The following SKI variants were observed in gnomAD, a reference collection of about 807,000 sequenced individuals.
SKI encodes ski oncogene.
SKI carries 23 observed loss-of-function variants against 59.3 expected under a neutral mutation model. The ratio of observed to expected loss-of-function variants is 0.39; its 90% CI spans 0.28 to 0.55. The LOEUF is 0.55. Among genes scored for constraint, SKI ranks in the 20% least tolerant of loss-of-function variants. The pLI is 0.67. For missense variants in SKI, 1,017 were observed against 1,038.9 expected (o/e 0.98, Z 0.29); for synonymous variants, 673 against 488.6 (o/e 1.38, Z -4.98).
At chr1:2,236,713 A>T (rs566076740) in intron 1 of SKI, among the ~76,000 whole-genome samples, 1 of 152,032 alleles carries the variant, frequency 6.6e-6, no homozygotes, top group African/African-American at 2.4e-5. Context: ...CCATTGTTCC[A>T]CCTTTGGAAG....
chr1:2,283,859 G>A lies in SKI; in HGVS notation c.970-19119G>A, dbSNP rs758409702. ...GAAAACATCGTGGGCGTCTGCTGGG[G>A]CTGGAGGAGGCGGGAGGCCGAGGCA... On this transcript the variant is annotated intron_variant, in intron 1 of 6. Coordinates refer to ENST00000378536, the MANE Select transcript of SKI (RefSeq NM_003036.4). 4.3e-4 allele frequency among the ~76,000 whole-genome samples: 66 copies of A among 152,360 alleles called. 1 individual carries two copies. Among genetic ancestry groups the A allele is most frequent in the Non-Finnish European group, 7.6e-4 (52 of 68,016 alleles).
In SKI at chr1:2,229,036, C is replaced by A; in HGVS notation, c.270C>A (p.Phe90Leu). 3 of 1,601,962 alleles carry A rather than the reference C, an allele frequency of 1.9e-6. No homozygotes were observed. Among genetic ancestry groups the A allele is most frequent in the Non-Finnish European group, 2.5e-6 (3 of 1,178,914 alleles). ...CGCCGCCCGTGCTGCCCGGGCCCTT[C>A]TTCATGCCGTCCGACCGCTCCACCG... ...QPPPPVLPGP[F>L]FMPSDRSTER... is the part of the protein sequence containing the mutation. The change falls in exon 1 of 7, where the codon TTC (phenylalanine) becomes TTA (leucine). Residue 90 changes from phenylalanine to leucine, a missense_variant. Physicochemically the swap from Phe to Leu is conservative, Grantham distance 22. Transcript: ENST00000378536. This position sits in a 1 kb window ranked among gnomAD's most constrained non-coding sequence, Gnocchi z 6.3.
Position 2,267,058 on chromosome 1 carries a change from G to A in SKI, c.970-35920G>A, listed in dbSNP as rs534147965. Among the ~76,000 whole-genome samples the A allele has an allele frequency of 6.6e-6, 1 of 152,020 alleles. No individual in the cohort carries two copies. Among genetic ancestry groups the A allele is most frequent in the Non-Finnish European group, 1.5e-5 (1 of 68,024 alleles). On this transcript the variant is annotated intron_variant, in intron 1 of 6. Coordinates refer to ENST00000378536, the MANE Select transcript of SKI (RefSeq NM_003036.4). The surrounding 1 kb of genome is among the most constrained non-coding windows in gnomAD (Gnocchi z 4.1). ...GTGTTTTCCTTCTGCAATAATTTTG[G>A]CTACATTAAATTCGTTTTGTTAACA... is the stretch of plus-strand genomic sequence containing the variant.
At position 2,303,956 on chromosome 1, in the gene SKI, C is replaced by T. The variant is rs1640493986; in HGVS notation, c.1328C>T (p.Pro443Leu). The T allele has an allele frequency of 6.2e-7, 1 of 1,612,068 alleles. No individual in the cohort carries two copies. The highest frequency in any genetic ancestry group is 1.7e-4 in the Middle Eastern group (1 of 6,052). Residue 443 changes from proline to leucine, a missense_variant, in exon 4 of 7, where the codon CCC becomes CTC. By Grantham distance (98) the Pro-to-Leu change is moderately conservative. Transcript: ENST00000378536. The surrounding 1 kb of genome is among the most constrained non-coding windows in gnomAD (Gnocchi z 5.6). ...PPCAAAVSRA[P>L]EPLATCTQPR... is the part of the protein sequence containing the mutation. Reference sequence around the variant, plus strand: ...TGTGCCGCCGCCGTCTCCCGGGCCCCCGAGCCTCTCGCCACTTGCACCCAG... The same window carrying T: ...TGTGCCGCCGCCGTCTCCCGGGCCCTCGAGCCTCTCGCCACTTGCACCCAG...
At chr1:2,272,856 C>T (rs539683646) in intron 1 of SKI, among the ~76,000 whole-genome samples, 12 of 152,248 alleles carry the variant, frequency 7.9e-5, no homozygotes, top group African/African-American at 2.2e-4. Context: ...CCCCGAGCCT[C>T]GCCCTCCCAC....
intron 1 of SKI, among the ~76,000 whole-genome samples, chr1:2,288,916 C>A (rs1173045495): frequency 1.3e-5 from 2 of 152,206 alleles, no homozygotes; most frequent in African/African-American, 4.8e-5. Flanking sequence ...AGAAGCCACC[C>A]TTGGGCCTGC....
Position 2,303,946 on chromosome 1 carries a change from T to C in SKI, c.1318T>C (p.Ser440Pro), listed in dbSNP as rs1184378281. 6.2e-7 allele frequency: 1 copy of C among 1,611,570 alleles called. No homozygotes were observed. The highest frequency in any genetic ancestry group is 1.7e-5 in the Admixed American group (1 of 59,918). ...CAGCCCTCCGTGTGCCGCCGCCGTC[T>C]CCCGGGCCCCCGAGCCTCTCGCCAC... is the stretch of plus-strand genomic sequence containing the variant. ...VSSPPCAAAV[S>P]RAPEPLATCT... is the part of the protein sequence containing the mutation. The change falls in exon 4 of 7, where the codon TCC becomes CCC. Residue 440 changes from serine to proline, a missense_variant. Transcript: ENST00000378536. This position sits in a 1 kb window ranked among gnomAD's most constrained non-coding sequence, Gnocchi z 5.6.
At chr1:2,278,747 C>T (rs183410760) in intron 1 of SKI, among the ~76,000 whole-genome samples, 291 of 152,090 alleles carry the variant, frequency 1.9e-3, no homozygotes, top group African/African-American at 6.7e-3. Context: ...TGGAGGCTGC[C>T]CCAGGCTGGA....
At chr1:2,242,487 A>G (rs1351838761) in intron 1 of SKI, among the ~76,000 whole-genome samples, 1 of 152,122 alleles carries the variant, frequency 6.6e-6, no homozygotes, top group East Asian at 1.9e-4. Context: ...CCCTGCCCTC[A>G]CTGTAATCTC....
rs1640570073 is a variant in SKI, at chr1:2,306,150, C to T, written c.1898C>T (p.Ser633Leu). The change falls in exon 6 of 7, where the codon TCA (serine) becomes TTA (leucine). Residue 633 changes from serine to leucine, a missense_variant. By Grantham distance (145) the Ser-to-Leu change is moderately radical. Transcript: ENST00000378536. ...NEKKMKEANE[S>L]RLRLKRELEQ... Reference sequence around the variant, plus strand: ...AAGAAGATGAAAGAGGCCAACGAGTCACGGCTGCGCCTGAAGCGGGAGCTG... The same window carrying T: ...AAGAAGATGAAAGAGGCCAACGAGTTACGGCTGCGCCTGAAGCGGGAGCTG... The T allele has an allele frequency of 6.3e-7, 1 of 1,593,908 alleles. No homozygotes were observed. Among genetic ancestry groups the T allele is most frequent in the African/African-American group, 1.3e-5 (1 of 74,714 alleles).
rs1421636004 is a variant in SKI at position 2,309,702 on chromosome 1, C to T, written c.*2937C>T. On this transcript the variant is annotated 3_prime_UTR_variant, in exon 7 of 7. Coordinates refer to ENST00000378536, the MANE Select transcript of SKI (RefSeq NM_003036.4). The stretch of plus-strand genomic sequence containing the variant: ...TCCTCCTCCCTGTGGGTCCGAACCC[C>T]GGCCCCCCCACCCCCTCCTCCCTGT... The T allele has an allele frequency of 4.3e-5, 3 of 69,634 alleles. No individual in the cohort carries two copies. Among genetic ancestry groups the T allele is most frequent in the East Asian group, 5.7e-4 (1 of 1,764 alleles). The allele number at this position is 69,634 out of a possible 1,614,324, so 4.3% of individuals were successfully genotyped here. A position where few individuals can be genotyped will look rare whatever the true frequency, so the allele number is the denominator to read the frequency against.
chr1:2,270,699 C>T lies in SKI; in HGVS notation c.970-32279C>T, dbSNP rs544802302. ...CTCTCCAGAGGGGCTGGAGGTGGGG[C>T]GGGAGCAGAGACTGGACCTGGCCAG... On this transcript the variant is annotated intron_variant, in intron 1 of 6. Transcript: ENST00000378536. This position sits in a 1 kb window ranked among gnomAD's most constrained non-coding sequence, Gnocchi z 4.1. Among the ~76,000 whole-genome samples, 1 of 152,146 alleles carries T rather than the reference C, an allele frequency of 6.6e-6. No homozygotes were observed. The highest frequency in any genetic ancestry group is 1.9e-4 in the East Asian group (1 of 5,184).
chr1:2,275,763 C>T (rs980177024), intron 1 of SKI, among the ~76,000 whole-genome samples: 4 of 152,208 alleles, frequency 2.6e-5, no homozygotes, highest in African/African-American at 7.2e-5. Flanking sequence ...CCACCCACCT[C>T]GGCCTCCCAA....
At chr1:2,237,165 C>T (rs867635) in intron 1 of SKI, among the ~76,000 whole-genome samples, 20,157 of 152,164 alleles carry the variant, frequency 0.13, 1,858 homozygotes, top group African/African-American at 0.25. Flanking sequence ...GCTTGTGTGC[C>T]GTTATGGGGG....
intron 4 of SKI, 58 bp downstream of exon 4, chr1:2,304,160 T>A (rs1640504600): frequency 1.2e-6 from 2 of 1,602,202 alleles, no homozygotes; most frequent in East Asian, 2.3e-5. Context: ...TGGCACTGGC[T>A]GAGGGGGGCT....
chr1:2,236,842 C>T (rs1210306928), intron 1 of SKI, among the ~76,000 whole-genome samples: 3 of 152,200 alleles, frequency 2.0e-5, no homozygotes, highest in Non-Finnish European at 4.4e-5. Context: ...TGATGCTCCT[C>T]CCAGCTCTCA....
chr1:2,287,338 A>AT (rs56295904), intron 1 of SKI, among the ~76,000 whole-genome samples: 54,993 of 139,964 alleles, frequency 0.39, 11,456 homozygotes, highest in South Asian at 0.5. Context: ...GAAATATCCA[A>AT]TTTTTTTTTT....
intron 1 of SKI, among the ~76,000 whole-genome samples, chr1:2,279,500 C>T (rs1042713510): frequency 4.6e-5 from 7 of 152,176 alleles, no homozygotes; most frequent in South Asian, 4.1e-4. Flanking sequence ...TCTGGGCTTG[C>T]CAGGAATGTA....
chr1:2,305,442 G>GT (rs1289088772), intron 5 of SKI, among the ~76,000 whole-genome samples: 5 of 152,022 alleles, frequency 3.3e-5, no homozygotes, highest in Non-Finnish European at 1.5e-5. Context: ...CCTCCTGCGC[G>GT]TGCCAGTCCC....
Sources: gnomAD v4.1 joint callset for allele counts (sites outside exome capture counted in the v4.1 genomes callset) on GRCh38, gnomAD v4.1.1 for gene constraint, Gnocchi (gnomAD v3.1) non-coding constraint, MANE v1.5 for transcripts, NCBI Gene and HGNC (gene_info 2026-07-23, HGNC 2026-07-21) for gene names.